MCTP1: variants seen among roughly 807,000 people sequenced by gnomAD.
The protein encoded by MCTP1 is multiple C2 and transmembrane domain containing 1.
In MCTP1, 69 loss-of-function variants were observed where a neutral mutation model predicts 120.6. That is an observed-to-expected ratio of 0.57 (90% CI 0.47 to 0.70). The LOEUF (loss-of-function observed/expected upper bound fraction) is 0.70, where lower values mean the gene tolerates loss of function less well. Ranked by LOEUF, MCTP1 falls within the 30% of genes least tolerant of loss-of-function variation. MCTP1 has a pLI of 0.00. For synonymous variants in MCTP1, 529 were observed against 493.1 expected, an observed-to-expected ratio of 1.07 and a Z score of -0.96; for missense variants, 1,203 against 1,248.8, an observed-to-expected ratio of 0.96 and a Z score of 0.55.
chr5:94,796,276 T>G (rs144620519), intron 18 of MCTP1, among the ~76,000 whole-genome samples: 2 of 152,234 alleles, frequency 1.3e-5, no homozygotes, highest in East Asian at 3.9e-4. Context: ...TTTTGTTTTG[T>G]TTTGGTTTGA....
At chr5:94,914,810 A>G (rs1809649420) in intron 8 of MCTP1, among the ~76,000 whole-genome samples, 1 of 152,222 alleles carries the variant, frequency 6.6e-6, no homozygotes, top group Admixed American at 6.5e-5. Flanking sequence ...AGGACTTCTC[A>G]GATGAAAGTA....
chr5:95,066,887 C>G (rs1024455756), intron 1 of MCTP1, among the ~76,000 whole-genome samples: 4 of 152,110 alleles, frequency 2.6e-5, no homozygotes, highest in Admixed American at 2.0e-4. Context: ...ATTAGATGCT[C>G]GTAAATAATG....
chr5:94,949,768 G>A (rs1316544347), intron 3 of MCTP1, among the ~76,000 whole-genome samples: 1 of 152,026 alleles, frequency 6.6e-6, no homozygotes, highest in Non-Finnish European at 1.5e-5. Flanking sequence ...GTTCACAGAT[G>A]CATTTTCATA....
intron 1 of MCTP1, among the ~76,000 whole-genome samples, chr5:95,121,513 A>G (rs1758239272): frequency 6.6e-6 from 1 of 152,036 alleles, no homozygotes; most frequent in Admixed American, 6.5e-5. Context: ...CACAAAAAAG[A>G]GAAAGATATC....
intron 16 of MCTP1, 92 bp from the exon 17 acceptor site, chr5:94,868,544 A>G: frequency 1.1e-6 from 1 of 906,930 alleles, no homozygotes; most frequent in Non-Finnish European, 1.5e-6. Context: ...TGACTTAAAA[A>G]GGATTCAGAA....
rs148579789 is a variant in MCTP1, at chr5:95,048,108, C to T, written c.721-30624G>A. Among the ~76,000 whole-genome samples the T allele has an allele frequency of 5.3e-5, 8 of 152,270 alleles. No individual in the cohort carries two copies. The East Asian group carries it at 1.5e-3, about 29-fold the overall frequency. The stretch of plus-strand genomic sequence containing the variant: ...CGTAACTGCTGCATAATTGCTTTTA[C>T]TCTCTAACATGTTAGGCAAAGGAAT... On this transcript the variant is annotated intron_variant, in intron 1 of 22. Transcript: ENST00000515393.
At chr5:95,227,409 A>T (rs1333801056) in intron 1 of MCTP1, among the ~76,000 whole-genome samples, 4 of 152,238 alleles carry the variant, frequency 2.6e-5, no homozygotes, top group Non-Finnish European at 5.9e-5. Flanking sequence ...GCCCTAATAG[A>T]ATCAATCATC....
intron 1 of MCTP1, among the ~76,000 whole-genome samples, chr5:95,087,454 C>G (rs983074626): frequency 7.9e-5 from 12 of 152,122 alleles, no homozygotes; most frequent in African/African-American, 2.9e-4. Flanking sequence ...ACTCAAGCTT[C>G]CTTTAAAGGA....
At chr5:94,948,760 C>G (rs1423207079) in intron 3 of MCTP1, among the ~76,000 whole-genome samples, 2 of 152,080 alleles carry the variant, frequency 1.3e-5, no homozygotes, top group Non-Finnish European at 2.9e-5. Context: ...TTCTCTGATT[C>G]AGGTCTGATT....
chr5:94,943,311 T>A (rs1172924635), intron 3 of MCTP1, among the ~76,000 whole-genome samples: 1 of 152,044 alleles, frequency 6.6e-6, no homozygotes, highest in African/African-American at 2.4e-5. Context: ...GCAAGAGCCC[T>A]CCAGCTGAAG....
chr5:95,216,455 A>G (rs1042992524), intron 1 of MCTP1, among the ~76,000 whole-genome samples: 6 of 152,208 alleles, frequency 3.9e-5, no homozygotes, highest in Non-Finnish European at 5.9e-5. Flanking sequence ...TACCCGTAGC[A>G]AGAATATTCT....
chr5:95,057,207 T>A (rs1379643179), intron 1 of MCTP1, among the ~76,000 whole-genome samples: 1 of 152,092 alleles, frequency 6.6e-6, no homozygotes, highest in Non-Finnish European at 1.5e-5. Flanking sequence ...TTTAAAAAAA[T>A]CATAAAAATA....
intron 1 of MCTP1, among the ~76,000 whole-genome samples, chr5:95,249,013 A>C (rs915610982): frequency 2.0e-5 from 3 of 152,214 alleles, no homozygotes; most frequent in Non-Finnish European, 4.4e-5. Context: ...AAATTAACTC[A>C]AGATGGATTA....
intron 1 of MCTP1, among the ~76,000 whole-genome samples, chr5:95,245,024 A>G (rs1756598995): frequency 6.6e-6 from 1 of 152,178 alleles, no homozygotes; most frequent in Non-Finnish European, 1.5e-5. Flanking sequence ...CACCTGTGAT[A>G]CCCAGGCAAA....
At chr5:95,153,027 C>A (rs1399550162) in intron 1 of MCTP1, among the ~76,000 whole-genome samples, 1 of 152,154 alleles carries the variant, frequency 6.6e-6, no homozygotes, top group Non-Finnish European at 1.5e-5. Context: ...AGTCAGTCTC[C>A]TTAGCCAACA....
At chr5:95,194,166 T>C (rs1296000637) in intron 1 of MCTP1, among the ~76,000 whole-genome samples, 1 of 151,522 alleles carries the variant, frequency 6.6e-6, no homozygotes, top group Non-Finnish European at 1.5e-5. Context: ...CAGTGAGCTA[T>C]GATTGTGCCT....
At chr5:94,952,914 T>C (rs1017574632) in intron 3 of MCTP1, among the ~76,000 whole-genome samples, 2 of 152,220 alleles carry the variant, frequency 1.3e-5, no homozygotes, top group African/African-American at 4.8e-5. Context: ...TTCTGTTAAC[T>C]TATATGGAAA....
intron 1 of MCTP1, among the ~76,000 whole-genome samples, chr5:95,195,702 G>C (rs1285162562): frequency 6.6e-6 from 1 of 152,096 alleles, no homozygotes; most frequent in Non-Finnish European, 1.5e-5. Flanking sequence ...AAACACAGCA[G>C]AGAGGGGTAT....
At chr5:95,140,367 T>C (rs1482654320) in intron 1 of MCTP1, among the ~76,000 whole-genome samples, 2 of 152,146 alleles carry the variant, frequency 1.3e-5, no homozygotes, top group African/African-American at 4.8e-5. Flanking sequence ...ATTGGTACTT[T>C]TGTTACTTCT....
Sources: allele counts gnomAD v4.1 joint callset (sites outside exome capture counted in the v4.1 genomes callset), GRCh38; gene constraint gnomAD v4.1.1; transcripts MANE v1.5; gene names NCBI Gene and HGNC (gene_info 2026-07-23, HGNC 2026-07-21).